Variants in CELF1 observed in about 807,000 individuals in gnomAD.
CELF1 encodes CUGBP Elav-like family member 1, also known as 50 kDa nuclear polyadenylated RNA-binding protein.
In CELF1, 10 loss-of-function variants were observed where a neutral mutation model predicts 61.8. That is an observed-to-expected ratio of 0.16 (90% CI 0.10 to 0.27). The LOEUF is 0.27. CELF1 is among the 10% of genes least tolerant of loss of function. The pLI, the probability that CELF1 is intolerant of heterozygous loss-of-function variation, is 1.00. For synonymous variants in CELF1, 236 were observed against 225.1 expected, an observed-to-expected ratio of 1.05 and a Z score of -0.43; for missense variants, 380 against 639.1, an observed-to-expected ratio of 0.59 and a Z score of 4.37.
intron 1 of CELF1, among the ~76,000 whole-genome samples, chr11:47,502,775 T>A (rs1268569574): frequency 6.6e-6 from 1 of 152,094 alleles, no homozygotes; most frequent in East Asian, 1.9e-4. Context: ...GAGGTTGCAG[T>A]GAGCTGAGAT....
intron 1 of CELF1, among the ~76,000 whole-genome samples, chr11:47,541,996 T>C (rs888137647): frequency 1.3e-5 from 2 of 152,090 alleles, no homozygotes; most frequent in African/African-American, 4.8e-5. Context: ...AGTAAAATTA[T>C]TCAACTCCAT....
intron 1 of CELF1, among the ~76,000 whole-genome samples, chr11:47,549,796 T>C (rs1164498990): frequency 6.6e-6 from 1 of 150,866 alleles, no homozygotes; most frequent in African/African-American, 2.4e-5. Context: ...ATGGCTAAGT[T>C]AGTAAATGTT....
intron 1 of CELF1, among the ~76,000 whole-genome samples, chr11:47,546,968 G>A (rs1310304556): frequency 6.7e-6 from 1 of 148,908 alleles, no homozygotes; most frequent in African/African-American, 2.5e-5. Context: ...TTGGGAGGCT[G>A]AGGCAGGAGA....
intron 2 of CELF1, among the ~76,000 whole-genome samples, chr11:47,563,080 G>A (rs367834915): frequency 2.6e-5 from 4 of 151,982 alleles, no homozygotes; most frequent in African/African-American, 7.2e-5. Flanking sequence ...GCCAGGTATC[G>A]TGGCACACGT....
At chr11:47,539,878 C>T (rs1353625736) in intron 1 of CELF1, among the ~76,000 whole-genome samples, 1 of 152,202 alleles carries the variant, frequency 6.6e-6, no homozygotes, top group African/African-American at 2.4e-5. Flanking sequence ...ACTGCTTCCA[C>T]CTGTACGAGC....
chr11:47,556,474 G>T (rs755561723), upstream of CELF1, among the ~76,000 whole-genome samples: 16 of 152,188 alleles, frequency 1.1e-4, no homozygotes, highest in Non-Finnish European at 2.2e-4. Flanking sequence ...TGCGAGCCAT[G>T]ACACCTGACC....
rs576964952 is a variant in CELF1 at position 47,524,731 on chromosome 11, T to C, written c.-153-23799A>G. The C allele has an allele frequency of 2.6e-5, 4 of 152,290 alleles. No individual in the cohort carries two copies. The South Asian group carries it at 8.3e-4, about 32-fold the overall frequency. 9.4% of individuals were successfully genotyped at this position (152,290 alleles called of 1,614,324 possible). ...GCAAGCTAAAAAGTGGAACAGCAGC[T>C]TCAGCAGAACAGATTCTGCTCCGTG... On this transcript the variant is annotated intron_variant, in intron 1 of 14. Transcript: ENST00000687097.
In CELF1 at chr11:47,475,203, C is replaced by T. The variant is rs1171486472; in HGVS notation, c.1273+133G>A. The T allele has an allele frequency of 4.8e-5, 37 of 772,300 alleles. No individual in the cohort carries two copies. In the Admixed American group the frequency reaches 8.7e-4, roughly 18 times the overall value. The allele number at this position is 772,300 out of a possible 1,614,324, so 47.8% of individuals were successfully genotyped here. On this transcript the variant is annotated intron_variant, in intron 13 of 14. Coordinates refer to ENST00000687097, the MANE Select transcript of CELF1 (RefSeq NM_001376376.1). The stretch of plus-strand genomic sequence containing the variant: ...ACACTTCACAGGGTTTCTCAGTCTA[C>T]ACTTGACACTGTCAAAGAAAAACAA...
intron 1 of CELF1, among the ~76,000 whole-genome samples, chr11:47,533,631 A>ATAAATACATAC (rs1555188496): frequency 0.032 from 950 of 29,394 alleles, 36 homozygotes; most frequent in Admixed American, 0.24. Context: ...TCAAAAAATA[A>ATAAATACATAC]ATAAATACAT....
intron 1 of CELF1, among the ~76,000 whole-genome samples, chr11:47,501,660 AT>A (rs1846191791): frequency 1.3e-5 from 2 of 151,582 alleles, no homozygotes; most frequent in South Asian, 4.2e-4. Flanking sequence ...ACTAAAAAAT[AT>A]CAAAAAAAAA....
At chr11:47,521,600 A>G (rs551917822) in intron 1 of CELF1, among the ~76,000 whole-genome samples, 3 of 152,332 alleles carry the variant, frequency 2.0e-5, no homozygotes, top group East Asian at 1.9e-4. Flanking sequence ...ACCTTACAGG[A>G]TATTTGTTAG....
intron 2 of CELF1, among the ~76,000 whole-genome samples, chr11:47,561,773 C>T (rs893052177): frequency 1.8e-4 from 28 of 152,116 alleles, no homozygotes; most frequent in African/African-American, 6.8e-4. Context: ...CTCAAATGTT[C>T]ATAAACTGAT....
intron 1 of CELF1, among the ~76,000 whole-genome samples, chr11:47,515,644 T>C (rs1047213209): frequency 3.9e-5 from 6 of 152,372 alleles, no homozygotes; most frequent in African/African-American, 1.4e-4. Flanking sequence ...ATAATCTTGA[T>C]GTCTCTTGCG....
intron 1 of CELF1, among the ~76,000 whole-genome samples, chr11:47,542,749 T>TG (rs1361394393): frequency 6.6e-6 from 1 of 152,070 alleles, no homozygotes; most frequent in Non-Finnish European, 1.5e-5. Context: ...CCGCGTGTCT[T>TG]GGCCTCCCAA....
chr11:47,515,735 T>C (rs748103944), intron 1 of CELF1, among the ~76,000 whole-genome samples: 2 of 152,198 alleles, frequency 1.3e-5, no homozygotes, highest in African/African-American at 2.4e-5. Flanking sequence ...AGCATTTTCA[T>C]TCCCATTTTT....
Position 47,474,604 on chromosome 11 carries a change from G to T in CELF1, c.1273+732C>A, listed in dbSNP as rs369451768. 1.3e-4 allele frequency among the ~76,000 whole-genome samples: 20 copies of T among 152,292 alleles called. No individual in the cohort carries two copies. In the East Asian group the frequency reaches 1.4e-3, roughly 10 times the overall value. Reference sequence around the variant, plus strand: ...TTCTCCTACTACCACATCCCTAGGGGATATAAGTGATTCACAGCAGGTGAG... The same window carrying T: ...TTCTCCTACTACCACATCCCTAGGGTATATAAGTGATTCACAGCAGGTGAG... On this transcript the variant is annotated intron_variant, in intron 13 of 14. Coordinates refer to ENST00000687097, the MANE Select transcript of CELF1 (RefSeq NM_001376376.1).
At chr11:47,548,979 A>G (rs984534442) in intron 1 of CELF1, among the ~76,000 whole-genome samples, 2 of 152,140 alleles carry the variant, frequency 1.3e-5, no homozygotes, top group African/African-American at 4.8e-5. Context: ...ACATTTCTCC[A>G]AAGATAATAT....
chr11:47,521,720 T>C (rs2095902367), intron 1 of CELF1, among the ~76,000 whole-genome samples: 1 of 152,190 alleles, frequency 6.6e-6, no homozygotes, highest in Admixed American at 6.6e-5. Context: ...GTGTTTATGG[T>C]GGAAAAGAAT....
chr11:47,532,959 G>C (rs2096526639), intron 1 of CELF1, among the ~76,000 whole-genome samples: 1 of 152,136 alleles, frequency 6.6e-6, no homozygotes, highest in Admixed American at 6.6e-5. Context: ...CACAGTTCTT[G>C]CTATACTGGC....
Sources: allele counts gnomAD v4.1 joint callset (sites outside exome capture counted in the v4.1 genomes callset), GRCh38; gene constraint gnomAD v4.1.1; transcripts MANE v1.5; gene names NCBI Gene and HGNC (gene_info 2026-07-23, HGNC 2026-07-21).